Variants in MPPE1 observed in about 807,000 individuals in gnomAD.
MPPE1 encodes metallophosphoesterase 1, also known as metallo phosphoesterase.
A neutral mutation model predicts 43.8 loss-of-function variants in MPPE1; 28 were observed. The observed-to-expected ratio is 0.64, with a 90% CI of 0.47 to 0.88. The LOEUF is 0.88. Ranked by LOEUF, MPPE1 falls within the 40% of genes least tolerant of loss-of-function variation. The probability of loss-of-function intolerance (pLI) is 0.00; values close to 1 mark genes in which losing one functional copy is unlikely to be tolerated. For missense variants in MPPE1, 428 were observed against 492.2 expected, an observed-to-expected ratio of 0.87 and a Z score of 1.23; for synonymous variants, 159 against 188.5, an observed-to-expected ratio of 0.84 and a Z score of 1.28.
intron 4 of MPPE1, among the ~76,000 whole-genome samples, chr18:11,890,882 T>C (rs1391293383): frequency 6.6e-6 from 1 of 152,142 alleles, no homozygotes; most frequent in East Asian, 1.9e-4. Context: ...CCAGAACTAA[T>C]GAGATGTGGG....
intron 10 of MPPE1, 99 bp from the exon 11 acceptor site, chr18:11,884,726 C>T (rs2036924727): frequency 7.2e-7 from 1 of 1,394,962 alleles, no homozygotes; most frequent in African/African-American, 1.4e-5. Context: ...CTCAGGTCCC[C>T]CTCAGGTGAG....
chr18:11,893,601 G>C, intron 3 of MPPE1, 25 bp from the exon 4 acceptor site: 5 of 1,589,694 alleles, frequency 3.1e-6, no homozygotes, highest in Non-Finnish European at 4.3e-6. Context: ...GAAAAAGTAA[G>C]GCATCAGTCT....
At chr18:11,902,066 C>T (rs926206954) in intron 2 of MPPE1, among the ~76,000 whole-genome samples, 3 of 152,200 alleles carry the variant, frequency 2.0e-5, no homozygotes, top group South Asian at 2.1e-4. Context: ...CCACACATGC[C>T]GCATAATCGC....
Position 11,883,214 on chromosome 18 carries a change from T to C in MPPE1, c.*1231A>G, listed in dbSNP as rs1432282604. ...ACACACACATTTTATCTCATCACCG[T>C]CTTACTGCCTCCCCATCCACTGTCT... On this transcript the variant is annotated 3_prime_UTR_variant, in exon 11 of 11. Transcript: ENST00000588072. The C allele has an allele frequency of 7.2e-6, 1 of 138,362 alleles. No individual in the cohort carries two copies. The highest frequency in any genetic ancestry group is 1.5e-5 in the Non-Finnish European group (1 of 66,772). 8.6% of individuals were successfully genotyped at this position (138,362 alleles called of 1,614,324 possible). A position where few individuals can be genotyped will look rare whatever the true frequency, so the allele number is the denominator to read the frequency against.
chr18:11,888,604 G>T, intron 6 of MPPE1, 65 bp downstream of exon 6: 4 of 944,968 alleles, frequency 4.2e-6, no homozygotes, highest in Non-Finnish European at 3.3e-6. Context: ...AGTATGGCAG[G>T]CACCTTTAAA....
At chr18:11,885,516 G>T in intron 10 of MPPE1, 160 bp downstream of exon 10, 3 of 813,020 alleles carry the variant, frequency 3.7e-6, no homozygotes, top group Non-Finnish European at 5.8e-6. Flanking sequence ...TCCCGGAAGG[G>T]TGTTTGGCAA....
chr18:11,902,308 G>A (rs1347220248), intron 2 of MPPE1: 4 of 152,158 alleles, frequency 2.6e-5, no homozygotes, highest in Non-Finnish European at 5.9e-5. Flanking sequence ...ACAAGTGGCA[G>A]GAACCATGCA....
At chr18:11,891,752 T>C (rs1438575957) in intron 4 of MPPE1, among the ~76,000 whole-genome samples, 1 of 152,172 alleles carries the variant, frequency 6.6e-6, no homozygotes, top group Non-Finnish European at 1.5e-5. Flanking sequence ...GTAAGGTTTT[T>C]TGGATTTTTG....
At chr18:11,884,970 G>A in intron 10 of MPPE1, 3 of 1,303,148 alleles carry the variant, frequency 2.3e-6, no homozygotes, top group South Asian at 2.5e-5. Context: ...GGAGTTCCAG[G>A]GTCATCGGTC....
intron 3 of MPPE1, 133 bp from the exon 4 acceptor site, chr18:11,893,709 C>T (rs2038260903): frequency 1.4e-6 from 1 of 698,562 alleles, no homozygotes; most frequent in African/African-American, 1.8e-5. Context: ...CTTGCATTCC[C>T]ATCCCTGGCT....
chr18:11,887,874 G>A (rs1464402792), intron 6 of MPPE1, among the ~76,000 whole-genome samples: 3 of 152,188 alleles, frequency 2.0e-5, no homozygotes, highest in Non-Finnish European at 2.9e-5. Flanking sequence ...CCACCTACTA[G>A]AGACTCTGCC....
chr18:11,896,226 G>A (rs1002780340), intron 3 of MPPE1, among the ~76,000 whole-genome samples: 32 of 150,084 alleles, frequency 2.1e-4, no homozygotes, highest in Admixed American at 1.4e-3. Flanking sequence ...CTCTGCCTCC[G>A]GAGTAGCTGA....
chr18:11,893,606 C>T (rs1452381550), intron 3 of MPPE1, 30 bp from the exon 4 acceptor site: 2 of 1,576,320 alleles, frequency 1.3e-6, no homozygotes, highest in Non-Finnish European at 1.7e-6. Context: ...AGTAAGGCAT[C>T]AGTCTCTTTC....
Position 11,886,357 on chromosome 18 carries a change from C to A in MPPE1, c.867+142G>T. On this transcript the variant is annotated intron_variant, in intron 9 of 10. Coordinates refer to ENST00000588072, the MANE Select transcript of MPPE1 (RefSeq NM_023075.6). This position sits in a 1 kb window ranked among gnomAD's most constrained non-coding sequence, Gnocchi z 4.1. ...CTGAGATACTGTGAAAGCCAGGCCT[C>A]CACCCCTGTCCCCCCAGGTGATAAC... The A allele has an allele frequency of 8.5e-7, 1 of 1,181,150 alleles. No homozygotes were observed. Among genetic ancestry groups the A allele is most frequent in the South Asian group, 1.3e-5 (1 of 77,554 alleles). 73.2% of individuals were successfully genotyped at this position (1,181,150 alleles called of 1,614,324 possible).
chr18:11,885,007 C>T (rs1170415379), intron 10 of MPPE1: 3 of 1,299,692 alleles, frequency 2.3e-6, no homozygotes, highest in Non-Finnish European at 3.0e-6. Flanking sequence ...GGAAAGGTGT[C>T]TTCCTGCCCC....
Position 11,883,642 on chromosome 18 carries a change from A to T in MPPE1, c.*803T>A. On this transcript the variant is annotated 3_prime_UTR_variant, in exon 11 of 11. Coordinates refer to ENST00000588072, the MANE Select transcript of MPPE1 (RefSeq NM_023075.6). ...AAAATCTGATTCCATTAATTGATCAAGTATAAAAATCTACGAAAACAATAT... is the reference window on the plus strand; with the variant it reads ...AAAATCTGATTCCATTAATTGATCATGTATAAAAATCTACGAAAACAATAT... 1 of 153,370 alleles carries T rather than the reference A, an allele frequency of 6.5e-6. No homozygotes were observed. The allele number at this position is 153,370 out of a possible 1,614,324, so 9.5% of individuals were successfully genotyped here.
chr18:11,899,310 G>A (rs545768440), intron 2 of MPPE1, among the ~76,000 whole-genome samples: 1 of 152,320 alleles, frequency 6.6e-6, no homozygotes, highest in South Asian at 2.1e-4. Context: ...TTGCAACAGA[G>A]CCACCATCTG....
intron 2 of MPPE1, among the ~76,000 whole-genome samples, chr18:11,900,909 T>TAAAAAAA (rs559247706): frequency 7.9e-5 from 10 of 126,226 alleles, no homozygotes; most frequent in African/African-American, 2.5e-4. Flanking sequence ...TCCGTCTCAT[T>TAAAAAAA]AAAAAAAAAA....
Position 11,906,662 on chromosome 18 carries a change from C to T in MPPE1, c.-199-353G>A, listed in dbSNP as rs187545712. Among the ~76,000 whole-genome samples, 393 of 152,018 alleles carry T rather than the reference C, an allele frequency of 2.6e-3. 3 individuals carry two copies. The highest frequency in any genetic ancestry group is 8.8e-3 in the African/African-American group (363 of 41,444). ...CCTGAGGTCGGGAGTTCAAGACCAG[C>T]CTGACCAACATGGAGAAACCCCGTC... On this transcript the variant is annotated intron_variant, in intron 1 of 10. Transcript: ENST00000588072.
Sources: gnomAD v4.1 joint callset for allele counts (sites outside exome capture counted in the v4.1 genomes callset) on GRCh38, gnomAD v4.1.1 for gene constraint, Gnocchi (gnomAD v3.1) non-coding constraint, MANE v1.5 for transcripts, NCBI Gene and HGNC (gene_info 2026-07-23, HGNC 2026-07-21) for gene names.